The following ZAN variants were observed in gnomAD, a reference collection of about 807,000 sequenced individuals.
ZAN encodes zonadhesin, also known as zonadhesin (gene/pseudogene).
ZAN carries 260 observed loss-of-function variants against 286.2 expected under a neutral mutation model. The ratio of observed to expected loss-of-function variants is 0.91; its 90% CI spans 0.82 to 1.01. The LOEUF is 1.01. Ranked by LOEUF, ZAN falls within the 50% of genes least tolerant of loss-of-function variation. The pLI is 0.00. For synonymous variants in ZAN, 1,368 were observed against 1,417.5 expected (o/e 0.97, Z 0.79); for missense variants, 3,410 against 3,639.2 (o/e 0.94, Z 1.62).
rs1562909574 is a variant in ZAN, at chr7:100,737,109, C to T, written c.525+29C>T. 9 of 1,475,924 alleles carry T rather than the reference C, an allele frequency of 6.1e-6. 2 individuals carry two copies. The highest frequency in any genetic ancestry group is 2.9e-5 in the African/African-American group (2 of 69,584). The allele number at this position is 1,475,924 out of a possible 1,614,324, so 91.4% of individuals were successfully genotyped here. A position where few individuals can be genotyped will look rare whatever the true frequency, so the allele number is the denominator to read the frequency against. ...AGGCCGGGGACAAATTGTGGGACCT[C>T]GGGGGGGAGTCTGGGTGTTGGAGAG... On this transcript the variant is annotated intron_variant, in intron 5 of 47. Coordinates refer to ENST00000613979, the MANE Select transcript of ZAN (RefSeq NM_003386.3).
chr7:100,784,511 A>C (rs1811430036), intron 35 of ZAN, 112 bp from the exon 36 acceptor site: 1 of 1,027,344 alleles, frequency 9.7e-7, no homozygotes, highest in Non-Finnish European at 1.4e-6. Flanking sequence ...AAGAACAAAA[A>C]AAGCTCCCCA....
chr7:100,759,933 G>A (rs1046969076), intron 18 of ZAN, 88 bp downstream of exon 18: 2 of 1,498,134 alleles, frequency 1.3e-6, no homozygotes, highest in Non-Finnish European at 8.9e-7. Flanking sequence ...TTCCACGGAT[G>A]GGGTTCAACA....
chr7:100,748,192 C>T lies in ZAN; in HGVS notation c.1079C>T (p.Ala360Val), dbSNP rs1808363713. ...CCAGAGCCAGCTGTGGCAGTTGATG[C>T]AACCAGCATTGCTCCTTGTGGGGGT... is the stretch of plus-strand genomic sequence containing the variant. ...KTPEPAVAVDATSIAPCGEGF... is the reference protein window; with the variant it reads ...KTPEPAVAVDVTSIAPCGEGF... The change falls in exon 10 of 48, where the codon GCA (alanine) becomes GTA (valine). Residue 360 changes from alanine to valine, a missense_variant. Transcript: ENST00000613979. 1.9e-6 allele frequency: 3 copies of T among 1,613,856 alleles called. No individual in the cohort carries two copies. The highest frequency in any genetic ancestry group is 3.3e-5 in the Admixed American group (2 of 59,988).
At chr7:100,768,437 A>T (rs748405443) in intron 26 of ZAN, among the ~76,000 whole-genome samples, 173 bp from the exon 27 acceptor site, 1 of 152,114 alleles carries the variant, frequency 6.6e-6, no homozygotes, top group South Asian at 2.1e-4. Flanking sequence ...GCGCCACTGC[A>T]CTCCAGCCTG....
Position 100,738,433 on chromosome 7 carries a change from A to G in ZAN, c.614-28A>G, listed in dbSNP as rs1264544786. The G allele has an allele frequency of 6.2e-6, 9 of 1,445,106 alleles. 1 individual carries two copies. Among genetic ancestry groups the G allele is most frequent in the East Asian group, 5.1e-5 (2 of 39,564 alleles). 89.5% of individuals were successfully genotyped at this position (1,445,106 alleles called of 1,614,324 possible). ...TGTCTCTAAAAAAGAAGAAAACATT[A>G]TATCTTCCCTTCTTTCTTTCCTCTC... On this transcript the variant is annotated intron_variant, in intron 6 of 47. Transcript: ENST00000613979.
At chr7:100,779,356 T>C (rs314303) in intron 34 of ZAN, 90 bp from the exon 35 acceptor site, 1,233,873 of 1,338,714 alleles carry the variant, frequency 0.92, 569,424 homozygotes, top group East Asian at 0.95. Context: ...CCAGCCTGGG[T>C]GACAGAGCAA....
chr7:100,746,599 G>C lies in ZAN; in HGVS notation c.828G>C (p.Leu276=). ...NARPGQKAVL[L]SPVSLSSGCL... ...GACCTGGGCAGAAAGCTGTCCTCCT[G>C]AGCCCCGTGAGCCTGTCCTCTGGCT... Residue 276 remains leucine, a synonymous_variant, in exon 8 of 48, where the codon CTG becomes CTC. Coordinates refer to ENST00000613979, the MANE Select transcript of ZAN (RefSeq NM_003386.3). 1 of 1,613,918 alleles carries C rather than the reference G, an allele frequency of 6.2e-7. No homozygotes were observed. Among genetic ancestry groups the C allele is most frequent in the African/African-American group, 1.3e-5 (1 of 75,038 alleles).
intron 18 of ZAN, 132 bp from the exon 19 acceptor site, chr7:100,760,259 C>A: frequency 8.2e-7 from 1 of 1,221,812 alleles, no homozygotes; most frequent in Non-Finnish European, 1.2e-6. Flanking sequence ...AAGCTCCAGT[C>A]CACTCCTGGT....
chr7:100,752,055 C>T lies in ZAN; in HGVS notation c.1950C>T (p.Ser650=). The T allele has an allele frequency of 6.2e-7, 1 of 1,613,020 alleles. No homozygotes were observed. The highest frequency in any genetic ancestry group is 8.5e-7 in the Non-Finnish European group (1 of 1,179,716). The part of the protein sequence containing the change: ...PTIPSEKPTI[S]TEKPTVPTEE... ...TTCCCTCAGAAAAACCCACCATTTC[C>T]ACAGAAAAACCCACCGTCCCCACAG... Residue 650 remains serine (S), a synonymous_variant, in exon 14 of 48, where the codon TCC becomes TCT. Coordinates refer to ENST00000613979, the MANE Select transcript of ZAN (RefSeq NM_003386.3).
At chr7:100,745,155 A>G (rs540265280) in intron 7 of ZAN, among the ~76,000 whole-genome samples, 8 of 151,740 alleles carry the variant, frequency 5.3e-5, no homozygotes, top group African/African-American at 1.9e-4. Flanking sequence ...AAGTGCTGGG[A>G]TTACAGGCGT....
rs538789054 is a variant in ZAN, at chr7:100,748,317, C to T, written c.1103-7C>T. Reference sequence around the variant, plus strand: ...ACTTGCTCAAATATCCTATTTTGATCCCCCAGAGGGTTTTCCTCAGTGTGA... The same window carrying T: ...ACTTGCTCAAATATCCTATTTTGATTCCCCAGAGGGTTTTCCTCAGTGTGA... On this transcript the variant is annotated splice_region_variant and splice_polypyrimidine_tract_variant and intron_variant, in intron 10 of 47. Transcript: ENST00000613979. 5 of 1,613,750 alleles carry T rather than the reference C, an allele frequency of 3.1e-6. No homozygotes were observed. The highest frequency in any genetic ancestry group is 1.3e-5 in the African/African-American group (1 of 74,904).
intron 39 of ZAN, among the ~76,000 whole-genome samples, chr7:100,789,629 G>C (rs1489787830): frequency 2.6e-5 from 4 of 152,064 alleles, no homozygotes; most frequent in Non-Finnish European, 5.9e-5. Context: ...GGGGAACATA[G>C]TGAGACCCCC....
At chr7:100,779,867 T>A (rs560312492) in intron 35 of ZAN, 117 bp downstream of exon 35, 1 of 1,140,118 alleles carries the variant, frequency 8.8e-7, no homozygotes, top group Non-Finnish European at 1.2e-6. Flanking sequence ...GCCCTCATTG[T>A]TTCTTTGACA....
At chr7:100,743,217 G>T (rs1807939394) in intron 7 of ZAN, among the ~76,000 whole-genome samples, 1 of 151,842 alleles carries the variant, frequency 6.6e-6, no homozygotes, top group Admixed American at 6.6e-5. Context: ...TAGAGATGGG[G>T]TTTCACCATG....
At chr7:100,775,163 T>C (rs1377444758) in intron 31 of ZAN, among the ~76,000 whole-genome samples, 165 bp from the exon 32 acceptor site, 1 of 152,072 alleles carries the variant, frequency 6.6e-6, no homozygotes. Flanking sequence ...CCAGCCCACC[T>C]TGGCCTCCCA....
At chr7:100,770,901 G>A (rs910040094) in intron 28 of ZAN, among the ~76,000 whole-genome samples, 6 of 151,956 alleles carry the variant, frequency 3.9e-5, no homozygotes, top group African/African-American at 1.5e-4. Context: ...CCTCCCAGGC[G>A]CAAGCTATTT....
chr7:100,747,996 A>C, intron 9 of ZAN, 141 bp from the exon 10 acceptor site: 1 of 716,496 alleles, frequency 1.4e-6, no homozygotes, highest in Non-Finnish European at 2.3e-6. Flanking sequence ...TGAAAAAAAA[A>C]AAAAAAGAAA....
chr7:100,785,187 A>G (rs1196092692), intron 36 of ZAN, among the ~76,000 whole-genome samples: 1 of 150,264 alleles, frequency 6.7e-6, no homozygotes, highest in East Asian at 1.9e-4. Flanking sequence ...TACCTCCTGC[A>G]CAACATATGT....
At position 100,738,381 on chromosome 7, in the gene ZAN, G is replaced by A. The variant is rs1013907255; in HGVS notation, c.614-80G>A. 22 of 1,290,428 alleles carry A rather than the reference G, an allele frequency of 1.7e-5. 4 individuals carry two copies. Among genetic ancestry groups the A allele is most frequent in the Non-Finnish European group, 2.3e-5 (21 of 926,338 alleles). The allele number at this position is 1,290,428 out of a possible 1,614,324, so 79.9% of individuals were successfully genotyped here. A position where few individuals can be genotyped will look rare whatever the true frequency, so the allele number is the denominator to read the frequency against. ...CGCAGTGAGCTATGATCACACCACT[G>A]TACTCTAGCCTGGGTGACAGAGACC... On this transcript the variant is annotated intron_variant, in intron 6 of 47. Coordinates refer to ENST00000613979, the MANE Select transcript of ZAN (RefSeq NM_003386.3).
Sources: gnomAD v4.1 joint callset for allele counts (sites outside exome capture counted in the v4.1 genomes callset) on GRCh38, gnomAD v4.1.1 for gene constraint, MANE v1.5 for transcripts, NCBI Gene and HGNC (gene_info 2026-07-23, HGNC 2026-07-21) for gene names.